C6orf52: variants seen among roughly 807,000 people sequenced by gnomAD.
C6orf52 encodes the protein putative uncharacterized protein C6orf52.
Under a neutral mutation model 16.6 loss-of-function variants are expected in C6orf52, and 16 were observed. That is an observed-to-expected ratio of 0.96 (90% CI 0.65 to 1.46). The LOEUF is 1.46. C6orf52 is among the 40% of genes most tolerant of loss of function. The probability of loss-of-function intolerance (pLI) is 0.00; values close to 1 mark genes in which losing one functional copy is unlikely to be tolerated. For missense variants in C6orf52, 166 were observed against 182.3 expected, an observed-to-expected ratio of 0.91 and a Z score of 0.52; for synonymous variants, 53 against 61.4, an observed-to-expected ratio of 0.86 and a Z score of 0.64.
intron 1 of C6orf52, among the ~76,000 whole-genome samples, chr6:10,689,291 C>T (rs777620943): frequency 3.9e-5 from 6 of 152,196 alleles, no homozygotes; most frequent in South Asian, 2.1e-4. Flanking sequence ...TTTCAGTCCA[C>T]GACTGGTTGC....
chr6:10,678,832 C>T (rs1393161811), intron 4 of C6orf52, among the ~76,000 whole-genome samples: 3 of 152,052 alleles, frequency 2.0e-5, no homozygotes, highest in Non-Finnish European at 2.9e-5. Context: ...CAGTGGCTCA[C>T]GCCTGTAATC....
intron 1 of C6orf52, among the ~76,000 whole-genome samples, chr6:10,688,334 C>T (rs1769024805): frequency 6.6e-6 from 1 of 152,188 alleles, no homozygotes; most frequent in Non-Finnish European, 1.5e-5. Context: ...TATTAGCCAG[C>T]TCCCGCCACT....
Position 10,687,119 on chromosome 6 carries a change from C to G in C6orf52, c.117G>C (p.Gln39His), listed in dbSNP as rs1380658741. The stretch of plus-strand genomic sequence containing the variant: ...CATACCAGTTGCCATAGCGGTAACT[C>G]TGGCTGGGCTGGAACTCCTGCTTCA... ...IRVKQEFQPS[Q>H]SYRYGNWYAR... is the part of the protein sequence containing the mutation. Residue 39 changes from glutamine to histidine, a missense_variant, in exon 3 of 5, where the codon CAG (glutamine) becomes CAC (histidine). Physicochemically the swap from Gln to His is conservative, Grantham distance 24. Coordinates refer to ENST00000259983, the MANE Select transcript of C6orf52 (RefSeq NM_001145020.3). 2.6e-6 allele frequency: 4 copies of G among 1,551,624 alleles called. No individual in the cohort carries two copies. Among genetic ancestry groups the G allele is most frequent in the Non-Finnish European group, 3.5e-6 (4 of 1,146,880 alleles).
chr6:10,675,615 A>G (rs1368503707), intron 4 of C6orf52, among the ~76,000 whole-genome samples: 1 of 152,122 alleles, frequency 6.6e-6, no homozygotes, highest in Non-Finnish European at 1.5e-5. Context: ...ACTTTTTATA[A>G]CTGCTGTACC....
At chr6:10,679,437 C>CA (rs535153695) in intron 4 of C6orf52, among the ~76,000 whole-genome samples, 4,172 of 80,612 alleles carry the variant, frequency 0.052, 69 homozygotes, top group Middle Eastern at 0.17. Context: ...AGACTGTCTC[C>CA]AAAAAAAAAA....
intron 1 of C6orf52, among the ~76,000 whole-genome samples, chr6:10,693,664 C>G (rs1769558506): frequency 6.6e-6 from 1 of 152,236 alleles, no homozygotes; most frequent in Non-Finnish European, 1.5e-5. Context: ...AAGATTTACT[C>G]TGTTGGGAGC....
intron 4 of C6orf52, among the ~76,000 whole-genome samples, chr6:10,674,061 G>T (rs754207446): frequency 2.0e-5 from 3 of 152,170 alleles, no homozygotes; most frequent in Non-Finnish European, 4.4e-5. Flanking sequence ...CAAGATCAGG[G>T]TGTCAGCGTG....
upstream of C6orf52, chr6:10,694,854 C>T (rs150108802): frequency 1.4e-3 from 922 of 661,640 alleles, 10 homozygotes; most frequent in African/African-American, 0.014. Flanking sequence ...TAAAGGCAGC[C>T]CTGGAGCCTG....
intron 1 of C6orf52, among the ~76,000 whole-genome samples, chr6:10,688,118 C>T (rs1213450160): frequency 6.8e-6 from 1 of 146,468 alleles, no homozygotes; most frequent in Non-Finnish European, 1.5e-5. Context: ...CCCTCGCCCC[C>T]TTCCCTTCTC....
chr6:10,687,617 G>C, intron 1 of C6orf52, 56 bp from the exon 2 acceptor site: 1 of 1,083,800 alleles, frequency 9.2e-7, no homozygotes, highest in African/African-American at 1.6e-5. Flanking sequence ...AATCCAGCTT[G>C]TGGGCTGAAA....
At chr6:10,681,922 A>G (rs1355582062) in intron 4 of C6orf52, among the ~76,000 whole-genome samples, 1 of 152,190 alleles carries the variant, frequency 6.6e-6, no homozygotes, top group African/African-American at 2.4e-5. Context: ...CTTTTAACAC[A>G]TGTGCAATAA....
rs1240363369 is a variant in C6orf52 at position 10,693,144 on chromosome 6, G to A, written c.-12+1350C>T. On this transcript the variant is annotated intron_variant, in intron 1 of 4. Transcript: ENST00000259983. ...CCAGGCACGTTCCAGCTCACAGCCT[G>A]TTTAGCAAATCGGGTATCAGTTTAA... Among the ~76,000 whole-genome samples the A allele has an allele frequency of 3.3e-5, 5 of 152,212 alleles. No individual in the cohort carries two copies. The East Asian group carries it at 9.6e-4, about 29-fold the overall frequency.
At position 10,694,605 on chromosome 6, in the gene C6orf52, C is replaced by T. The variant is rs1769706946; in HGVS notation, c.-123G>A. 16 of 178,914 alleles carry T rather than the reference C, an allele frequency of 8.9e-5. No individual in the cohort carries two copies. The highest frequency in any genetic ancestry group is 3.1e-4 in the South Asian group (3 of 9,530). 11.1% of individuals were successfully genotyped at this position (178,914 alleles called of 1,614,324 possible). A position where few individuals can be genotyped will look rare whatever the true frequency, so the allele number is the denominator to read the frequency against. ...GCCGGCGCTACAGCCCCTAAGCAAC[C>T]GGCCGGAAGTCGGCCCCACCTCCTC... On this transcript the variant is annotated 5_prime_UTR_variant, in exon 1 of 5. Transcript: ENST00000259983.
chr6:10,693,704 AC>A (rs1299052829), intron 1 of C6orf52, among the ~76,000 whole-genome samples: 1 of 152,172 alleles, frequency 6.6e-6, no homozygotes, highest in Non-Finnish European at 1.5e-5. Flanking sequence ...TCTAAGACAT[AC>A]CTGAATCTCT....
chr6:10,676,566 A>C (rs930304398), intron 4 of C6orf52, among the ~76,000 whole-genome samples: 2 of 152,238 alleles, frequency 1.3e-5, no homozygotes, highest in African/African-American at 4.8e-5. Flanking sequence ...CTTGTGCAGT[A>C]AGGAGCGGAC....
intron 3 of C6orf52, among the ~76,000 whole-genome samples, chr6:10,686,487 C>T (rs1768878821): frequency 6.6e-6 from 1 of 152,150 alleles, no homozygotes; most frequent in African/African-American, 2.4e-5. Context: ...AAATATGTCA[C>T]TTTAGTAATT....
At chr6:10,678,642 A>G (rs1369909697) in intron 4 of C6orf52, among the ~76,000 whole-genome samples, 2 of 152,200 alleles carry the variant, frequency 1.3e-5, no homozygotes, top group Non-Finnish European at 2.9e-5. Context: ...TTCCCAGTGC[A>G]TATAAAAGTT....
intron 1 of C6orf52, among the ~76,000 whole-genome samples, chr6:10,690,547 T>A (rs1219714033): frequency 6.6e-6 from 1 of 152,200 alleles, no homozygotes; most frequent in Non-Finnish European, 1.5e-5. Flanking sequence ...CTGATTTTTC[T>A]CTACTGTGTC....
chr6:10,676,811 T>C (rs1767932603), intron 4 of C6orf52, among the ~76,000 whole-genome samples: 1 of 152,178 alleles, frequency 6.6e-6, no homozygotes, highest in African/African-American at 2.4e-5. Context: ...CTCTCCTTTC[T>C]TCTACCTATT....
Sources: allele counts gnomAD v4.1 joint callset (sites outside exome capture counted in the v4.1 genomes callset), GRCh38; gene constraint gnomAD v4.1.1; transcripts MANE v1.5; gene names NCBI Gene and HGNC (gene_info 2026-07-23, HGNC 2026-07-21).